The following PCLO variants were observed in gnomAD, a reference collection of about 807,000 sequenced individuals.
PCLO encodes piccolo presynaptic cytomatrix protein, also known as protein piccolo.
A neutral mutation model predicts 427.5 loss-of-function variants in PCLO; 82 were observed. The ratio of observed to expected loss-of-function variants is 0.19; its 90% CI spans 0.16 to 0.23. PCLO has a LOEUF of 0.23. Ranked by LOEUF, PCLO falls within the 10% of genes least tolerant of loss-of-function variation. The pLI is 1.00. For missense variants in PCLO, 6,239 were observed against 6,115.9 expected, an observed-to-expected ratio of 1.02 and a Z score of -0.67; for synonymous variants, 2,357 against 2,155.4, an observed-to-expected ratio of 1.09 and a Z score of -2.59.
At chr7:83,027,496 G>A (rs200220799) in intron 3 of PCLO, among the ~76,000 whole-genome samples, 12 of 146,640 alleles carry the variant, frequency 8.2e-5, no homozygotes, top group South Asian at 6.7e-4. Flanking sequence ...TCCAGGACCA[G>A]ATAGATTCAC....
In PCLO at chr7:83,156,205, C is replaced by T. The variant is rs866533946; in HGVS notation, c.436G>A (p.Glu146Lys). Residue 146 changes from glutamate to lysine, a missense_variant, in exon 2 of 25, where the codon GAA (glutamate) becomes AAA (lysine). By Grantham distance (56) the Glu-to-Lys change is moderately conservative (BLOSUM62 1). Transcript: ENST00000333891. ...KESKSRTDLK[E>K]EHKSSMMPGF... ...GGCATCATACTAGACTTGTGCTCTT[C>T]CTTTAAATCAGTTCTGGACTTTGAT... is the stretch of plus-strand genomic sequence containing the variant. 6.2e-7 allele frequency: 1 copy of T among 1,613,634 alleles called. No homozygotes were observed. Among genetic ancestry groups the T allele is most frequent in the African/African-American group, 1.3e-5 (1 of 74,864 alleles).
At chr7:83,105,414 C>T (rs1278774806) in intron 3 of PCLO, among the ~76,000 whole-genome samples, 2 of 152,130 alleles carry the variant, frequency 1.3e-5, no homozygotes, top group Non-Finnish European at 2.9e-5. Context: ...ATTTATATAT[C>T]CTCAGTCCAA....
Position 82,899,853 on chromosome 7 carries a change from G to A in PCLO, c.13528+2798C>T, listed in dbSNP as rs190642922. Among the ~76,000 whole-genome samples the A allele has an allele frequency of 5.3e-3, 800 of 151,530 alleles. 8 individuals are homozygous for A. The highest frequency in any genetic ancestry group is 0.018 in the African/African-American group (755 of 41,450). On this transcript the variant is annotated intron_variant, in intron 9 of 24. Coordinates refer to ENST00000333891, the MANE Select transcript of PCLO (RefSeq NM_033026.6). ...TTGAAGGAATAATTCTTAATATAGC[G>A]TAAAATAATACAGCTAGAAAACAGG...
chr7:82,972,866 T>A (rs2115713489), intron 3 of PCLO, among the ~76,000 whole-genome samples: 1 of 152,178 alleles, frequency 6.6e-6, no homozygotes, highest in South Asian at 2.1e-4. Flanking sequence ...TGCTTAGAAT[T>A]CTCCTTTTTA....
At chr7:82,848,159 T>C (rs1004073998) in intron 10 of PCLO, among the ~76,000 whole-genome samples, 6 of 152,080 alleles carry the variant, frequency 3.9e-5, no homozygotes, top group Non-Finnish European at 7.4e-5. Flanking sequence ...TGTGGCATGA[T>C]TCACATTGTC....
At chr7:83,018,104 T>C (rs191366356) in intron 3 of PCLO, 42 of 152,120 alleles carry the variant, frequency 2.8e-4, no homozygotes, top group East Asian at 1.5e-3. Flanking sequence ...AAAATACAAA[T>C]AATTCCTTAT....
At chr7:82,909,049 G>T in intron 7 of PCLO, 36 bp from the exon 8 acceptor site, 2 of 1,606,130 alleles carry the variant, frequency 1.2e-6, no homozygotes, top group Non-Finnish European at 1.7e-6. Context: ...CATTGCAACG[G>T]CAAGTAATAC....
chr7:82,882,112 A>G (rs1431252709), intron 9 of PCLO, among the ~76,000 whole-genome samples: 2 of 152,220 alleles, frequency 1.3e-5, no homozygotes, highest in African/African-American at 2.4e-5. Flanking sequence ...TTGAATTTAT[A>G]TAATTTTAAA....
chr7:82,780,711 A>G (rs552383625), intron 22 of PCLO, among the ~76,000 whole-genome samples: 75 of 152,346 alleles, frequency 4.9e-4, no homozygotes, highest in Non-Finnish European at 8.7e-4. Flanking sequence ...TTACATAGTG[A>G]TACTACAAAT....
At chr7:82,977,926 T>C (rs947160009) in intron 3 of PCLO, among the ~76,000 whole-genome samples, 2 of 152,158 alleles carry the variant, frequency 1.3e-5, no homozygotes, top group African/African-American at 4.8e-5. Flanking sequence ...GGCCTGTGTG[T>C]TTGGATACCT....
intron 6 of PCLO, among the ~76,000 whole-genome samples, chr7:82,940,538 T>C (rs1386897459): frequency 2.0e-5 from 3 of 152,148 alleles, no homozygotes; most frequent in African/African-American, 7.2e-5. Context: ...ATTTAATCAT[T>C]TGATTGGAAA....
In PCLO at chr7:82,810,624, C is replaced by T. The variant is rs530361174; in HGVS notation, c.14792-4795G>A. Among the ~76,000 whole-genome samples, 8 of 151,764 alleles carry T rather than the reference C, an allele frequency of 5.3e-5. No homozygotes were observed. In the South Asian group the frequency reaches 1.5e-3, roughly 28 times the overall value. The stretch of plus-strand genomic sequence containing the variant: ...TAAACAAATGTTACCTTCTGTGATG[C>T]AATTCAATCTGTTTTAAATTATTCT... On this transcript the variant is annotated intron_variant, in intron 20 of 24. Coordinates refer to ENST00000333891, the MANE Select transcript of PCLO (RefSeq NM_033026.6).
chr7:82,894,925 C>A (rs1295519514), intron 9 of PCLO, among the ~76,000 whole-genome samples: 1 of 152,056 alleles, frequency 6.6e-6, no homozygotes, highest in South Asian at 2.1e-4. Flanking sequence ...AGAGCCCAAA[C>A]TGTTCACACA....
At chr7:82,763,797 T>C (rs1354871489) in intron 22 of PCLO, among the ~76,000 whole-genome samples, 4 of 152,040 alleles carry the variant, frequency 2.6e-5, no homozygotes, top group African/African-American at 9.7e-5. Context: ...CATGAGCCAA[T>C]GATTAGAGAT....
chr7:82,792,754 AATCTG>A (rs1791132329), intron 22 of PCLO, among the ~76,000 whole-genome samples: 1 of 152,056 alleles, frequency 6.6e-6, no homozygotes, highest in Non-Finnish European at 1.5e-5. Context: ...ATTTTTTTTA[AATCTG>A]TTTCCTGGGT....
At position 82,956,398 on chromosome 7, in the gene PCLO, T is replaced by A. The variant is rs780065948; in HGVS notation, c.4555A>T (p.Ser1519Cys). 7.4e-6 allele frequency: 12 copies of A among 1,613,696 alleles called. No homozygotes were observed. The highest frequency in any genetic ancestry group is 1.0e-5 in the Non-Finnish European group (12 of 1,179,868). ...PYDSVEESSESENSPVPQRKR... is the reference protein window; with the variant it reads ...PYDSVEESSECENSPVPQRKR... ...CTTTGTGGAACAGGTGAGTTTTCACTTTCACTACTCTCTTCAACTGAATCA... is the reference window on the plus strand; with the variant it reads ...CTTTGTGGAACAGGTGAGTTTTCACATTCACTACTCTCTTCAACTGAATCA... The change falls in exon 5 of 25, where the codon AGT (serine) becomes TGT (cysteine). Residue 1519 changes from serine (S) to cysteine (C), a missense_variant. Physicochemically the swap from Ser to Cys is moderately radical, Grantham distance 112 (BLOSUM62 -1). Around this residue, in one of 5 missense-constraint regions of PCLO, gnomAD observed 4,677 missense variants for 4,468.4 expected, o/e 1.05. Transcript: ENST00000333891.
intron 3 of PCLO, among the ~76,000 whole-genome samples, chr7:82,975,022 C>A (rs1795986978): frequency 6.6e-6 from 1 of 152,064 alleles, no homozygotes; most frequent in African/African-American, 2.4e-5. Context: ...GGTGATCCAC[C>A]CACCTCAGCC....
chr7:83,111,437 C>T (rs943869894), intron 3 of PCLO, among the ~76,000 whole-genome samples: 1 of 152,150 alleles, frequency 6.6e-6, no homozygotes, highest in East Asian at 1.9e-4. Flanking sequence ...TTCAAAGGAC[C>T]GGAGGAGCCC....
intron 3 of PCLO, among the ~76,000 whole-genome samples, chr7:83,057,153 G>A (rs113647509): frequency 0.12 from 17,032 of 147,848 alleles, 1,101 homozygotes; most frequent in Non-Finnish European, 0.13. Flanking sequence ...GCGCAATGTC[G>A]GCTCACTGCT....
Sources: gnomAD v4.1 joint callset for allele counts (sites outside exome capture counted in the v4.1 genomes callset) on GRCh38, gnomAD v4.1.1 for gene constraint, gnomAD v4.1.1 regional missense constraint, MANE v1.5 for transcripts, NCBI Gene and HGNC (gene_info 2026-07-23, HGNC 2026-07-21) for gene names.